MORC4: variants seen among roughly 807,000 people sequenced by gnomAD.
The protein encoded by MORC4 is MORC family CW-type zinc finger 4, also known as MORC family CW-type zinc finger protein 4.
A neutral mutation model predicts 65.5 loss-of-function variants in MORC4; 22 were observed. The observed-to-expected ratio is 0.34, with a 90% CI of 0.24 to 0.48. The LOEUF (loss-of-function observed/expected upper bound fraction) is 0.48. Ranked by LOEUF, MORC4 falls within the 20% of genes least tolerant of loss-of-function variation. The pLI, the probability that MORC4 is intolerant of heterozygous loss-of-function variation, is 0.99. For synonymous variants in MORC4, 267 were observed against 255.8 expected, an observed-to-expected ratio of 1.04 and a Z score of -0.42; for missense variants, 624 against 703.0, an observed-to-expected ratio of 0.89 and a Z score of 1.27.
Position 106,984,465 on chromosome X carries a change from C to CTTTTTTTTT in MORC4, c.674+622_674+630dup, listed in dbSNP as rs762110163. 1.3e-3 allele frequency among the ~76,000 whole-genome samples: 91 copies of CTTTTTTTTT among 71,368 alleles called. 1 individual carries two copies. Among genetic ancestry groups the CTTTTTTTTT allele is most frequent in the African/African-American group, 5.2e-3 (83 of 15,961 alleles). The allele number at this position is 71,368 out of a possible 115,157, so 62.0% of individuals were successfully genotyped here. ...TCAAACAACTCTGTTTTTCTTTTTT[C>CTTTTTTTTT]TTTTTTTTTTTTTTTTTTTTTTGAG... is the stretch of plus-strand genomic sequence containing the variant. On this transcript the variant is annotated intron_variant, in intron 5 of 16. Coordinates refer to ENST00000355610, the MANE Select transcript of MORC4 (RefSeq NM_024657.5).
At chrX:106,956,601 T>C (rs1934112041) in intron 12 of MORC4, 67 bp from the exon 13 acceptor site, 5 of 889,943 alleles carry the variant, frequency 5.6e-6, no homozygotes, top group Non-Finnish European at 6.6e-6. Context: ...GGACTGCCAA[T>C]TGTAGATTTA....
Position 106,985,212 on chromosome X carries a change from G to T in MORC4, c.558C>A (p.Pro186=). The change falls in exon 5 of 17, where the codon CCC becomes CCA. Residue 186 remains proline, a synonymous_variant. Coordinates refer to ENST00000355610, the MANE Select transcript of MORC4 (RefSeq NM_024657.5). ...KKMIITEDSL[P]SLEAILNYSI... ...AATAGTTCAAGATGGCTTCTAGGCT[G>T]GGCAATGAATCCTCGGTAATAATCA... The T allele has an allele frequency of 8.5e-7, 1 of 1,177,773 alleles. No individual in the cohort carries two copies. The highest frequency in any genetic ancestry group is 1.1e-6 in the Non-Finnish European group (1 of 874,220).
chrX:106,970,549 A>T (rs1934484451), intron 9 of MORC4, among the ~76,000 whole-genome samples: 1 of 112,104 alleles, frequency 8.9e-6, no homozygotes, highest in Admixed American at 9.4e-5. Context: ...TTTACAGATG[A>T]CATGACTGTA....
intron 9 of MORC4, among the ~76,000 whole-genome samples, chrX:106,967,258 A>C (rs1018838225): frequency 1.8e-5 from 2 of 112,156 alleles, no homozygotes; most frequent in Admixed American, 9.4e-5. Context: ...AGAAAGGCAT[A>C]GCATCAACAT....
intron 9 of MORC4, among the ~76,000 whole-genome samples, chrX:106,975,697 T>C (rs1262674848): frequency 2.7e-5 from 3 of 110,875 alleles, no homozygotes; most frequent in Admixed American, 9.6e-5. Context: ...CCTCTTACCC[T>C]TTTTTGCCCT....
At chrX:106,962,854 C>T (rs1428771473) in intron 9 of MORC4, among the ~76,000 whole-genome samples, 1 of 111,836 alleles carries the variant, frequency 8.9e-6, no homozygotes, top group African/African-American at 3.2e-5. Context: ...TTCCATAACC[C>T]GAGATTACAA....
At position 106,951,868 on chromosome X, in the gene MORC4, C is replaced by A. The variant is rs1314439168; in HGVS notation, c.1685+3045G>T. Among the ~76,000 whole-genome samples, 3 of 107,316 alleles carry A rather than the reference C, an allele frequency of 2.8e-5. No individual in the cohort carries two copies. The Admixed American group carries it at 3.0e-4, about 11-fold the overall frequency. 93.2% of individuals were successfully genotyped at this position (107,316 alleles called of 115,157 possible). A position where few individuals can be genotyped will look rare whatever the true frequency, so the allele number is the denominator to read the frequency against. On this transcript the variant is annotated intron_variant, in intron 14 of 16. Coordinates refer to ENST00000355610, the MANE Select transcript of MORC4 (RefSeq NM_024657.5). ...AAAATTAGCCGGGCGTGGTGGCACG[C>A]GCCTGTAATCCCAGCTACTCAGGAG...
At chrX:106,953,841 C>T (rs1230958747) in intron 14 of MORC4, among the ~76,000 whole-genome samples, 2 of 111,954 alleles carry the variant, frequency 1.8e-5, no homozygotes, top group Non-Finnish European at 3.8e-5. Flanking sequence ...GTTCACTTCC[C>T]GGCTGGGTGT....
chrX:106,959,188 C>T (rs891019258), intron 10 of MORC4, among the ~76,000 whole-genome samples: 1 of 111,708 alleles, frequency 9.0e-6, no homozygotes, highest in Non-Finnish European at 1.9e-5. Context: ...TTCCAGAGTT[C>T]AACTCTTAAA....
chrX:106,958,125 G>A (rs184699847), intron 11 of MORC4, among the ~76,000 whole-genome samples: 2 of 112,137 alleles, frequency 1.8e-5, no homozygotes, highest in East Asian at 5.6e-4. Flanking sequence ...CATGGCATGT[G>A]TAGGGAATAG....
chrX:106,948,456 A>C (rs1032353059), intron 14 of MORC4, among the ~76,000 whole-genome samples: 1 of 112,229 alleles, frequency 8.9e-6, no homozygotes, highest in Non-Finnish European at 1.9e-5. Flanking sequence ...AAATTGGTTA[A>C]GAATAGAAAG....
intron 3 of MORC4, among the ~76,000 whole-genome samples, chrX:106,988,511 A>C (rs16987267): frequency 0.031 from 3,452 of 111,488 alleles, 140 homozygotes; most frequent in African/African-American, 0.11. Context: ...TGTTTCACTT[A>C]ACTCTTCCCG....
intron 7 of MORC4, 133 bp from the exon 8 acceptor site, chrX:106,978,332 T>C (rs1355170246): frequency 1.4e-5 from 7 of 515,276 alleles, no homozygotes; most frequent in Non-Finnish European, 1.8e-5. Context: ...CATTTAAACA[T>C]CTGTTGCAAT....
chrX:106,952,142 C>A (rs1933988914), intron 14 of MORC4, among the ~76,000 whole-genome samples: 1 of 110,525 alleles, frequency 9.0e-6, no homozygotes, highest in Admixed American at 9.6e-5. Context: ...CAGGGCCTTT[C>A]ATAAAGTAGG....
chrX:106,948,293 T>C (rs1400118068), intron 14 of MORC4, among the ~76,000 whole-genome samples: 1 of 111,700 alleles, frequency 9.0e-6, no homozygotes, highest in Admixed American at 9.5e-5. Context: ...CTATCTGGCG[T>C]CATTTCCTTA....
chrX:106,954,588 C>A (rs1387270156), intron 14 of MORC4, among the ~76,000 whole-genome samples: 1 of 112,037 alleles, frequency 8.9e-6, no homozygotes, highest in Non-Finnish European at 1.9e-5. Flanking sequence ...ATAACATTAC[C>A]TTATTTGTGT....
intron 9 of MORC4, among the ~76,000 whole-genome samples, chrX:106,966,409 C>T (rs934279349): frequency 1.6e-4 from 18 of 112,508 alleles, no homozygotes; most frequent in African/African-American, 5.8e-4. Flanking sequence ...AACTGAGGTA[C>T]CTGGTTCATC....
At chrX:106,968,642 C>CAAAAAA (rs1194053588) in intron 9 of MORC4, among the ~76,000 whole-genome samples, 14 of 17,963 alleles carry the variant, frequency 7.8e-4, no homozygotes, top group Admixed American at 8.9e-4. Context: ...AAATGGAAAG[C>CAAAAAA]AAAAAAAAAA....
At chrX:106,960,159 T>C in intron 10 of MORC4, among the ~76,000 whole-genome samples, 1 of 111,982 alleles carries the variant, frequency 8.9e-6, no homozygotes, top group Middle Eastern at 4.6e-3. Flanking sequence ...GCTTCAGCAG[T>C]AGTGGGAGGG....
Sources: gnomAD v4.1 joint callset for allele counts (sites outside exome capture counted in the v4.1 genomes callset) on GRCh38, gnomAD v4.1.1 for gene constraint, MANE v1.5 for transcripts, NCBI Gene and HGNC (gene_info 2026-07-23, HGNC 2026-07-21) for gene names.